The following SOX5 variants were observed in gnomAD, a reference collection of about 807,000 sequenced individuals.
SOX5 encodes SRY-box transcription factor 5, also known as transcription factor SOX-5.
SOX5 carries 9 observed loss-of-function variants against 92.0 expected under a neutral mutation model. The observed-to-expected ratio is 0.10, with a 90% CI of 0.06 to 0.17. The LOEUF (loss-of-function observed/expected upper bound fraction) is 0.17. Among genes scored for constraint, SOX5 ranks in the 10% least tolerant of loss-of-function variants. The probability of loss-of-function intolerance (pLI) is 1.00; values close to 1 mark genes in which losing one functional copy is unlikely to be tolerated. For missense variants in SOX5, 642 were observed against 944.5 expected (o/e 0.68, Z 4.20); for synonymous variants, 344 against 336.3 (o/e 1.02, Z -0.25).
intron 3 of SOX5, among the ~76,000 whole-genome samples, chr12:24,262,974 C>T (rs1229618177): frequency 6.6e-6 from 1 of 152,114 alleles, no homozygotes. Context: ...GTAATCCCAG[C>T]ACTCTGGGAG....
chr12:23,572,051 C>T, intron 10 of SOX5, among the ~76,000 whole-genome samples: 1 of 152,282 alleles, frequency 6.6e-6, no homozygotes, highest in African/African-American at 2.4e-5. Context: ...ACTATTCATA[C>T]CTTTTAAGGA....
intron 4 of SOX5, among the ~76,000 whole-genome samples, chr12:24,002,363 G>A (rs184510084): frequency 5.2e-4 from 79 of 152,070 alleles, no homozygotes; most frequent in African/African-American, 1.8e-3. Flanking sequence ...ATTACCAAAT[G>A]AAGGATGAAA....
chr12:24,338,925 G>T (rs962715767), intron 2 of SOX5, among the ~76,000 whole-genome samples: 4 of 152,052 alleles, frequency 2.6e-5, no homozygotes, highest in Non-Finnish European at 4.4e-5. Flanking sequence ...CCAGTCTCAG[G>T]TATTTCTTCA....
chr12:24,282,531 C>A (rs111648731), intron 2 of SOX5, among the ~76,000 whole-genome samples: 4 of 146,480 alleles, frequency 2.7e-5, no homozygotes, highest in Non-Finnish European at 3.0e-5. Context: ...AAACTAGAAA[C>A]AAAAAAAAAA....
At chr12:23,580,555 A>T (rs189321302) in intron 9 of SOX5, among the ~76,000 whole-genome samples, 1 of 152,166 alleles carries the variant, frequency 6.6e-6, no homozygotes, top group Admixed American at 6.6e-5. Context: ...CCAAGAGTTC[A>T]TGTACACATG....
chr12:23,704,757 C>T (rs982265815), intron 6 of SOX5, among the ~76,000 whole-genome samples: 19 of 138,338 alleles, frequency 1.4e-4, no homozygotes, highest in African/African-American at 4.8e-4. Flanking sequence ...CAGACAGATA[C>T]CTACTGTATA....
Position 23,757,233 on chromosome 12 carries a change from G to C in SOX5, c.482-1509C>G, listed in dbSNP as rs549964559. Reference sequence around the variant, plus strand: ...TGAAATGAATGAATGCAGTTGAAATGAATGAATGAAAAATGGATTTTTTCC... The same window carrying C: ...TGAAATGAATGAATGCAGTTGAAATCAATGAATGAAAAATGGATTTTTTCC... On this transcript the variant is annotated intron_variant, in intron 3 of 14. Transcript: ENST00000451604. Among the ~76,000 whole-genome samples, 48 of 151,942 alleles carry C rather than the reference G, an allele frequency of 3.2e-4. 1 individual carries two copies. Among genetic ancestry groups the C allele is most frequent in the African/African-American group, 1.2e-3 (48 of 41,486 alleles).
chr12:24,128,506 A>G (rs1949329300), intron 4 of SOX5, among the ~76,000 whole-genome samples: 1 of 152,216 alleles, frequency 6.6e-6, no homozygotes, highest in Non-Finnish European at 1.5e-5. Context: ...GTAGCAAAAA[A>G]AGACCTCTCG....
At chr12:24,119,010 G>T (rs1331795806) in intron 4 of SOX5, among the ~76,000 whole-genome samples, 1 of 151,476 alleles carries the variant, frequency 6.6e-6, no homozygotes, top group Non-Finnish European at 1.5e-5. Context: ...AACTATTTTG[G>T]GTCTGTTTCC....
chr12:24,365,022 A>T (rs910142019), intron 2 of SOX5, among the ~76,000 whole-genome samples: 10 of 152,182 alleles, frequency 6.6e-5, no homozygotes, highest in Middle Eastern at 3.4e-3. Context: ...TAGGGGAAAA[A>T]TGATATATTT....
intron 4 of SOX5, among the ~76,000 whole-genome samples, chr12:24,136,676 C>A (rs1213078780): frequency 6.6e-6 from 1 of 152,136 alleles, no homozygotes; most frequent in Non-Finnish European, 1.5e-5. Flanking sequence ...TCTTTCAGAC[C>A]CTCTCCAAGC....
At chr12:24,354,662 G>T (rs1246730429) in intron 2 of SOX5, among the ~76,000 whole-genome samples, 1 of 152,098 alleles carries the variant, frequency 6.6e-6, no homozygotes, top group African/African-American at 2.4e-5. Flanking sequence ...TATTTTAGGG[G>T]GCAAAATCAA....
chr12:24,274,798 T>G (rs137856399), intron 3 of SOX5, among the ~76,000 whole-genome samples: 1 of 152,134 alleles, frequency 6.6e-6, no homozygotes, highest in Non-Finnish European at 1.5e-5. Flanking sequence ...ACATAATACT[T>G]AAAAAAAATC....
chr12:24,130,242 C>T (rs1468270363), intron 4 of SOX5, among the ~76,000 whole-genome samples: 3 of 152,162 alleles, frequency 2.0e-5, no homozygotes, highest in Non-Finnish European at 4.4e-5. Flanking sequence ...TTCCGGTCCT[C>T]AATAAAATTA....
intron 4 of SOX5, among the ~76,000 whole-genome samples, chr12:23,967,575 A>T (rs1947745994): frequency 6.6e-6 from 1 of 152,114 alleles, no homozygotes; most frequent in Admixed American, 6.5e-5. Flanking sequence ...AATAATTTTA[A>T]AATATCCTTG....
chr12:23,908,134 T>C (rs898985984), intron 1 of SOX5, among the ~76,000 whole-genome samples: 31 of 152,150 alleles, frequency 2.0e-4, no homozygotes, highest in African/African-American at 7.5e-4. Flanking sequence ...ATGTTTAATT[T>C]ATTTAGGATC....
intron 1 of SOX5, among the ~76,000 whole-genome samples, chr12:23,945,613 A>G (rs1050687095): frequency 6.6e-6 from 1 of 152,176 alleles, no homozygotes; most frequent in Non-Finnish European, 1.5e-5. Context: ...ATTAAAATCT[A>G]TATTCAGTTG....
chr12:23,796,062 T>G (rs1290027497), intron 3 of SOX5, among the ~76,000 whole-genome samples: 1 of 152,156 alleles, frequency 6.6e-6, no homozygotes, highest in African/African-American at 2.4e-5. Flanking sequence ...AACTGTTACT[T>G]ATTGATACCC....
chr12:23,762,394 G>T (rs1340396190), intron 3 of SOX5: 3 of 374,798 alleles, frequency 8.0e-6, no homozygotes, highest in African/African-American at 4.2e-5. Flanking sequence ...GGGCAATGTA[G>T]CAAGATTCCC....
Sources: allele counts gnomAD v4.1 joint callset (sites outside exome capture counted in the v4.1 genomes callset), GRCh38; gene constraint gnomAD v4.1.1; transcripts MANE v1.5; gene names NCBI Gene and HGNC (gene_info 2026-07-23, HGNC 2026-07-21).